The following NLGN4Y variants were observed in gnomAD, a reference collection of about 807,000 sequenced individuals.
NLGN4Y encodes the protein neuroligin-4, Y-linked.
In NLGN4Y, 4 loss-of-function variants were observed where a neutral mutation model predicts 8.4. The observed-to-expected ratio is 0.48, with a 90% CI of 0.23 to 1.09. The LOEUF is 1.09. Among genes scored for constraint, NLGN4Y ranks in the 50% least tolerant of loss-of-function variants. NLGN4Y has a pLI of 0.19. For synonymous variants in NLGN4Y, 35 were observed against 75.6 expected (o/e 0.46, Z 2.78); for missense variants, 90 against 192.3 (o/e 0.47, Z 3.15).
intron 2 of NLGN4Y, among the ~76,000 whole-genome samples, chrY:14,631,614 AT>A (rs2080549578): frequency 2.9e-5 from 1 of 34,369 alleles, no homozygotes; most frequent in Non-Finnish European, 7.3e-5. Context: ...GGTCATTTAA[AT>A]TTTTTTTCAG....
At chrY:14,688,478 A>G in intron 2 of NLGN4Y, among the ~76,000 whole-genome samples, 2 of 33,166 alleles carry the variant, frequency 6.0e-5, no homozygotes, top group East Asian at 1.6e-3. Context: ...AAGGCATTTC[A>G]GTGAGACAGA....
intron 2 of NLGN4Y, among the ~76,000 whole-genome samples, chrY:14,677,224 C>T: frequency 3.0e-5 from 1 of 33,645 alleles, no homozygotes; most frequent in African/African-American, 1.2e-4. Context: ...CTGGCTAGTC[C>T]TTCTTGCACC....
intron 1 of NLGN4Y, among the ~76,000 whole-genome samples, chrY:14,590,077 A>G: frequency 5.8e-5 from 2 of 34,305 alleles, no homozygotes; most frequent in East Asian, 1.6e-3. Flanking sequence ...GGCTGCTCCG[A>G]GTGCGGGGCC....
At chrY:14,834,752 G>A in intron 6 of NLGN4Y, among the ~76,000 whole-genome samples, 1 of 34,044 alleles carries the variant, frequency 2.9e-5, no homozygotes, top group East Asian at 7.8e-4. Flanking sequence ...TTCCCTGGTC[G>A]TCAGGTGCAG....
At chrY:14,596,410 C>T in intron 1 of NLGN4Y, among the ~76,000 whole-genome samples, 2 of 33,362 alleles carry the variant, frequency 6.0e-5, no homozygotes, top group Admixed American at 2.7e-4. Flanking sequence ...AGAAGAGAGG[C>T]GAGAGGAAGT....
chrY:14,710,194 C>T (rs912799076), intron 2 of NLGN4Y, among the ~76,000 whole-genome samples: 4 of 33,636 alleles, frequency 1.2e-4, no homozygotes. Flanking sequence ...ATATTAGTTA[C>T]ACATCTCAGA....
At chrY:14,629,232 C>CA (rs1556059598) in intron 2 of NLGN4Y, among the ~76,000 whole-genome samples, 1 of 33,658 alleles carries the variant, frequency 3.0e-5, no homozygotes, top group African/African-American at 1.1e-4. Context: ...AGTGTTTTTA[C>CA]AAAAAAATGC....
chrY:14,694,680 A>C, intron 2 of NLGN4Y, among the ~76,000 whole-genome samples: 1 of 33,748 alleles, frequency 3.0e-5, no homozygotes, highest in Non-Finnish European at 7.4e-5. Flanking sequence ...TTGAAGAAAC[A>C]TGATCTTCCT....
chrY:14,594,857 C>T (rs1052985949), intron 1 of NLGN4Y, among the ~76,000 whole-genome samples: 6 of 32,901 alleles, frequency 1.8e-4, no homozygotes, highest in Non-Finnish European at 3.7e-4. Context: ...TTTACAACTC[C>T]AGTCCCCATG....
chrY:14,829,154 G>A (rs2043161186), intron 5 of NLGN4Y, among the ~76,000 whole-genome samples: 1 of 34,071 alleles, frequency 2.9e-5, no homozygotes, highest in African/African-American at 1.1e-4. Context: ...CTAAGCTAAT[G>A]CATTTACATT....
In NLGN4Y at chrY:14,593,971, A is replaced by T. The variant is rs367995942; in HGVS notation, c.-111-28038A>T. Among the ~76,000 whole-genome samples, 65 of 33,735 alleles carry T rather than the reference A, an allele frequency of 1.9e-3. No homozygotes were observed. In the East Asian group the frequency reaches 0.05, roughly 26 times the overall value. The allele number at this position is 33,735 out of a possible 37,273, so 90.5% of individuals were successfully genotyped here. ...TAAGGGTGTGGGACTTTCAGGCATA[A>T]CAAGAAAGGCATGTGAAAAGAGCAG... On this transcript the variant is annotated intron_variant, in intron 1 of 6. Transcript: ENST00000684976.
chrY:14,634,425 C>A (rs1046643224), intron 2 of NLGN4Y, among the ~76,000 whole-genome samples: 2 of 32,423 alleles, frequency 6.2e-5, no homozygotes, highest in Non-Finnish European at 1.5e-4. Context: ...CTGTCCCTAC[C>A]AGAAAAATGA....
intron 3 of NLGN4Y, 46 bp from the exon 4 acceptor site, chrY:14,723,071 C>T: frequency 5.5e-6 from 2 of 360,529 alleles, no homozygotes; most frequent in South Asian, 3.1e-5. Context: ...AGTGAGTGAG[C>T]CAGTAAGATT....
chrY:14,531,859 C>CTA (rs2080116119), intron 1 of NLGN4Y, among the ~76,000 whole-genome samples: 1 of 31,005 alleles, frequency 3.2e-5, no homozygotes, highest in Non-Finnish European at 7.7e-5. Context: ...TACATACAAA[C>CTA]TATATATGTA....
At chrY:14,703,886 G>A in intron 2 of NLGN4Y, among the ~76,000 whole-genome samples, 3 of 32,764 alleles carry the variant, frequency 9.2e-5, no homozygotes, top group Non-Finnish European at 2.2e-4. Flanking sequence ...CACATCCCTT[G>A]TAAGTTGGAT....
At chrY:14,536,392 G>A (rs1603499056) in intron 1 of NLGN4Y, among the ~76,000 whole-genome samples, 1 of 29,691 alleles carries the variant, frequency 3.4e-5, no homozygotes. Context: ...GACTACAGGC[G>A]CCCACCACCG....
chrY:14,542,725 C>T (rs749223669), intron 1 of NLGN4Y, among the ~76,000 whole-genome samples: 2 of 33,264 alleles, frequency 6.0e-5, no homozygotes, highest in South Asian at 6.9e-4. Context: ...AGGCTTGGAA[C>T]CAACCCAAAT....
At chrY:14,590,302 G>A in intron 1 of NLGN4Y, among the ~76,000 whole-genome samples, 1 of 34,138 alleles carries the variant, frequency 2.9e-5, no homozygotes, top group Non-Finnish European at 7.4e-5. Context: ...GGGAGGTGAC[G>A]AGAGCCAGCG....
chrY:14,653,402 G>A, intron 2 of NLGN4Y, among the ~76,000 whole-genome samples: 1 of 30,885 alleles, frequency 3.2e-5, no homozygotes, highest in Non-Finnish European at 7.8e-5. Flanking sequence ...GGTGGCAGGT[G>A]GGGGACTCTG....
Sources: gnomAD v4.1 joint callset for allele counts (sites outside exome capture counted in the v4.1 genomes callset) on GRCh38, gnomAD v4.1.1 for gene constraint, MANE v1.5 for transcripts, NCBI Gene and HGNC (gene_info 2026-07-23, HGNC 2026-07-21) for gene names.